The following NTM variants were observed in gnomAD, a reference collection of about 807,000 sequenced individuals.
NTM encodes the protein IgLON family member 2.
In NTM, 13 loss-of-function variants were observed where a neutral mutation model predicts 42.1. The ratio of observed to expected loss-of-function variants is 0.31; its 90% confidence interval spans 0.20 to 0.49. The LOEUF is 0.49. Ranked by LOEUF, NTM falls within the 20% of genes least tolerant of loss-of-function variation. The pLI, the probability that NTM is intolerant of heterozygous loss-of-function variation, is 0.99. For synonymous variants in NTM, 187 were observed against 179.2 expected, an observed-to-expected ratio of 1.04 and a Z score of -0.35; for missense variants, 373 against 452.8, an observed-to-expected ratio of 0.82 and a Z score of 1.60.
intron 2 of NTM, among the ~76,000 whole-genome samples, chr11:131,927,714 C>T (rs1020071617): frequency 1.1e-4 from 16 of 152,266 alleles, no homozygotes; most frequent in Middle Eastern, 6.8e-3. Context: ...TGTAGAAGGA[C>T]ACTTGATACC....
chr11:132,238,639 G>C (rs928292821), intron 4 of NTM, among the ~76,000 whole-genome samples: 8 of 152,200 alleles, frequency 5.3e-5, no homozygotes, highest in Admixed American at 3.9e-4. Context: ...ATAGCAGCCT[G>C]CGTGTGGACT....
intron 1 of NTM, among the ~76,000 whole-genome samples, chr11:131,524,841 T>G (rs1286865746): frequency 6.6e-6 from 1 of 151,762 alleles, no homozygotes; most frequent in Non-Finnish European, 1.5e-5. Flanking sequence ...GGGGCTGGAG[T>G]GAGGATGACC....
Position 132,092,489 on chromosome 11 carries a change from G to A in NTM, c.168-53793G>A, listed in dbSNP as rs531223997. 8.5e-5 allele frequency among the ~76,000 whole-genome samples: 13 copies of A among 152,208 alleles called. 1 individual carries two copies. Among genetic ancestry groups the A allele is most frequent in the Admixed American group, 3.3e-4 (5 of 15,292 alleles). On this transcript the variant is annotated intron_variant, in intron 2 of 8. Coordinates refer to ENST00000683400, the MANE Select transcript of NTM (RefSeq NM_001352005.2). ...CTTGCTTCTGCAAACCTTAGTTCCC[G>A]GATTCTCTGGGCCTATCTCCCTGTC... is the stretch of plus-strand genomic sequence containing the variant.
intron 2 of NTM, among the ~76,000 whole-genome samples, chr11:132,052,771 C>T (rs917143968): frequency 2.6e-5 from 3 of 114,948 alleles, no homozygotes; most frequent in African/African-American, 1.0e-4. Context: ...TTTCCAGGCT[C>T]ACTGTGTGTG....
chr11:131,832,189 G>A (rs1189409110), intron 1 of NTM, among the ~76,000 whole-genome samples: 10 of 138,722 alleles, frequency 7.2e-5, no homozygotes, highest in Non-Finnish European at 6.2e-5. Context: ...TGTTAGAAGA[G>A]AAAAAAAAAA....
At chr11:131,697,089 G>A (rs953700185) in intron 1 of NTM, among the ~76,000 whole-genome samples, 1 of 152,186 alleles carries the variant, frequency 6.6e-6, no homozygotes, top group African/African-American at 2.4e-5. Context: ...GGGGCACGGT[G>A]GAATTGCCAT....
chr11:131,937,886 T>G (rs2059392660), intron 2 of NTM, among the ~76,000 whole-genome samples: 1 of 152,154 alleles, frequency 6.6e-6, no homozygotes, highest in Non-Finnish European at 1.5e-5. Context: ...ATTCTTTCTT[T>G]AGGTTGCACG....
intron 1 of NTM, among the ~76,000 whole-genome samples, chr11:131,622,091 A>C (rs1330668702): frequency 6.6e-6 from 1 of 152,158 alleles, no homozygotes; most frequent in Admixed American, 6.5e-5. Context: ...AGAAGACATT[A>C]GCAAAGGGCC....
intron 1 of NTM, among the ~76,000 whole-genome samples, chr11:131,404,045 A>T (rs1945538980): frequency 6.6e-6 from 1 of 151,970 alleles, no homozygotes; most frequent in South Asian, 2.1e-4. Context: ...TATCTCCCAT[A>T]TTTAAAATGG....
At chr11:132,328,744 T>G (rs1592073510) in intron 7 of NTM, among the ~76,000 whole-genome samples, 1 of 152,172 alleles carries the variant, frequency 6.6e-6, no homozygotes, top group South Asian at 2.1e-4. Flanking sequence ...CCAGTTATCT[T>G]TTTTTCTTGG....
chr11:132,146,433 G>A lies in NTM; in HGVS notation c.319G>A (p.Val107Met), dbSNP rs1282853238. Residue 107 changes from valine to methionine, a missense_variant, in exon 3 of 9, where the codon GTG (valine) becomes ATG (methionine). By Grantham distance (21) the Val-to-Met change is conservative (BLOSUM62 1). Around this residue, in one of 3 missense-constraint regions of NTM, gnomAD observed 312 missense variants for 353.5 expected, o/e 0.88. Coordinates refer to ENST00000683400, the MANE Select transcript of NTM (RefSeq NM_001352005.2). The surrounding 1 kb of genome is among the most constrained non-coding windows in gnomAD (Gnocchi z 4.5). The part of the protein sequence containing the change: ...QYSIEIQNVD[V>M]YDEGPYTCSV... ...CAGCATCGAGATCCAGAACGTGGAT[G>A]TGTATGACGAGGGCCCTTACACCTG... is the stretch of plus-strand genomic sequence containing the variant. 17 of 1,614,102 alleles carry A rather than the reference G, an allele frequency of 1.1e-5. No individual in the cohort carries two copies. Among genetic ancestry groups the A allele is most frequent in the Non-Finnish European group, 1.4e-5 (17 of 1,180,044 alleles).
In NTM at chr11:131,616,778, G is replaced by GTGTGTGTGTGT. The variant is rs1555166353; in HGVS notation, c.82+245890_82+245891insTGTGTGTGTGT. Among the ~76,000 whole-genome samples the GTGTGTGTGTGT allele has an allele frequency of 3.3e-3, 472 of 141,964 alleles. 2 individuals are homozygous for GTGTGTGTGTGT. The highest frequency in any genetic ancestry group is 9.3e-3 in the African/African-American group (346 of 37,352). The allele number at this position is 141,964 out of a possible 152,430, so 93.1% of individuals were successfully genotyped here. A position where few individuals can be genotyped will look rare whatever the true frequency, so the allele number is the denominator to read the frequency against. On this transcript the variant is annotated intron_variant, in intron 1 of 8. Transcript: ENST00000683400. ...TTTTACAAGCACACTGTCTTGAGGG[G>GTGTGTGTGTGT]GTGTGTGTGTGTGTGTGTGTGTGTG...
chr11:132,154,023 C>A (rs1239211528), intron 3 of NTM, among the ~76,000 whole-genome samples: 1 of 152,136 alleles, frequency 6.6e-6, no homozygotes, highest in East Asian at 1.9e-4. Flanking sequence ...CAGGATCAAT[C>A]ATGTGTGCAA....
chr11:131,893,711 A>C lies in NTM; in HGVS notation c.83-17853A>C, dbSNP rs548149057. 2.0e-5 allele frequency among the ~76,000 whole-genome samples: 3 copies of C among 152,342 alleles called. No homozygotes were observed. In the East Asian group the frequency reaches 5.8e-4, roughly 29 times the overall value. ...AGCCCCTTACAGCAGATGCTTAAAA[A>C]GTGAGGGCATCAAGGAAGCCTGGAG... is the stretch of plus-strand genomic sequence containing the variant. On this transcript the variant is annotated intron_variant, in intron 1 of 8. Coordinates refer to ENST00000683400, the MANE Select transcript of NTM (RefSeq NM_001352005.2).
At chr11:131,427,450 T>C (rs992358332) in intron 1 of NTM, among the ~76,000 whole-genome samples, 9 of 152,062 alleles carry the variant, frequency 5.9e-5, no homozygotes, top group African/African-American at 2.2e-4. Flanking sequence ...CTCTTCTTAA[T>C]AAGACCCCTT....
intron 8 of NTM, among the ~76,000 whole-genome samples, chr11:132,330,959 C>A (rs1393523013): frequency 2.0e-5 from 3 of 152,210 alleles, no homozygotes; most frequent in African/African-American, 7.2e-5. Flanking sequence ...GGTCCACGCC[C>A]ACCTGGACCT....
At chr11:131,754,533 G>A (rs960319845) in intron 1 of NTM, among the ~76,000 whole-genome samples, 1 of 151,726 alleles carries the variant, frequency 6.6e-6, no homozygotes, top group Non-Finnish European at 1.5e-5. Context: ...GCTGAGGCAA[G>A]AGAATTGCTT....
chr11:131,631,810 T>C (rs558603240), intron 1 of NTM, among the ~76,000 whole-genome samples: 1 of 152,354 alleles, frequency 6.6e-6, no homozygotes, highest in South Asian at 2.1e-4. Context: ...TCGGCTGCCG[T>C]AATGTTTTGG....
intron 1 of NTM, among the ~76,000 whole-genome samples, chr11:131,582,861 G>A (rs2058537351): frequency 6.6e-6 from 1 of 151,942 alleles, no homozygotes; most frequent in South Asian, 2.1e-4. Context: ...CAGCAGAGCT[G>A]GGCACTGTGA....
Sources: allele counts gnomAD v4.1 joint callset (sites outside exome capture counted in the v4.1 genomes callset), GRCh38; gene constraint gnomAD v4.1.1; regional missense constraint gnomAD v4.1.1; non-coding constraint Gnocchi (gnomAD v3.1); transcripts MANE v1.5; gene names NCBI Gene and HGNC (gene_info 2026-07-23, HGNC 2026-07-21).